Variants in PBX1 observed in about 807,000 individuals in gnomAD.
PBX1 encodes PBX homeobox 1, also known as pre-B-cell leukemia transcription factor 1.
PBX1 carries 6 observed loss-of-function variants against 53.4 expected under a neutral mutation model. That is an observed-to-expected ratio of 0.11 (90% CI 0.06 to 0.22). The LOEUF is 0.22. Among genes scored for constraint, PBX1 ranks in the 10% least tolerant of loss-of-function variants. PBX1 has a pLI of 1.00. For synonymous variants in PBX1, 204 were observed against 212.3 expected (o/e 0.96, Z 0.34); for missense variants, 251 against 551.4 (o/e 0.46, Z 5.46).
At chr1:164,856,226 G>C (rs1671972116), downstream of PBX1, among the ~76,000 whole-genome samples, 1 of 152,118 alleles carries the variant, frequency 6.6e-6, no homozygotes, top group East Asian at 1.9e-4. Flanking sequence ...TGGAGTTCCA[G>C]GCCTTGAATA....
rs761257756 is a variant in PBX1 at position 164,667,432 on chromosome 1, G to GTA, written c.265+104127_265+104128dup. 4.9e-3 allele frequency among the ~76,000 whole-genome samples: 732 copies of GTA among 149,764 alleles called. 3 individuals are homozygous for GTA. Among genetic ancestry groups the GTA allele is most frequent in the Non-Finnish European group, 8.3e-3 (563 of 67,552 alleles). ...ATAATATGTGTGTGTGTGTGTGTGT[G>GTA]TATATATGTATAGCTCTGTCTATAT... is the stretch of plus-strand genomic sequence containing the variant. On this transcript the variant is annotated intron_variant, in intron 2 of 8. Transcript: ENST00000420696.
At chr1:164,883,578 G>T (rs1672710492) in intron 2 of PBX1, among the ~76,000 whole-genome samples, 1 of 151,900 alleles carries the variant, frequency 6.6e-6, no homozygotes, top group African/African-American at 2.4e-5. Flanking sequence ...GAAATTTATT[G>T]ATAGATTTTT....
intron 2 of PBX1, among the ~76,000 whole-genome samples, chr1:164,597,731 G>T (rs1330908697): frequency 6.6e-6 from 1 of 152,026 alleles, no homozygotes; most frequent in East Asian, 1.9e-4. Context: ...GGGTCTCGCA[G>T]CCATGTTGTA....
At chr1:164,660,578 C>T (rs768243173) in intron 2 of PBX1, among the ~76,000 whole-genome samples, 2 of 152,192 alleles carry the variant, frequency 1.3e-5, no homozygotes, top group Non-Finnish European at 2.9e-5. Context: ...GTTGTAGTAA[C>T]ATCAGCAGAG....
intron 8 of PBX1, among the ~76,000 whole-genome samples, chr1:164,831,827 G>C (rs2102390575): frequency 6.6e-6 from 1 of 152,214 alleles, no homozygotes; most frequent in Middle Eastern, 3.4e-3. Context: ...GCAGCCAGGG[G>C]CTCCCTCCCT....
chr1:164,560,036 C>T, intron 1 of PBX1, 23 bp downstream of exon 1: 1 of 1,335,768 alleles, frequency 7.5e-7, no homozygotes, highest in Non-Finnish European at 9.7e-7. Flanking sequence ...CTTTTCTTTT[C>T]CTTTCTTGGG....
intron 2 of PBX1, among the ~76,000 whole-genome samples, chr1:164,790,066 G>A (rs938719775): frequency 6.6e-6 from 1 of 152,008 alleles, no homozygotes; most frequent in African/African-American, 2.4e-5. Flanking sequence ...AGAGGTGAAG[G>A]AGAGGCTGCT....
rs1465382616 is a variant in PBX1, at chr1:164,799,806, C to G, written c.618C>G (p.Arg206=). 2.5e-6 allele frequency: 4 copies of G among 1,614,148 alleles called. No homozygotes were observed. The highest frequency in any genetic ancestry group is 1.6e-4 in the Middle Eastern group (1 of 6,062). ...AGCGGATGGTCAGCATCATCCACCGCAAGTTCAGCTCCATCCAGATGCAGC... is the reference window on the plus strand; with the variant it reads ...AGCGGATGGTCAGCATCATCCACCGGAAGTTCAGCTCCATCCAGATGCAGC... ...EIERMVSIIH[R]KFSSIQMQLK... The change falls in exon 4 of 9, where the codon CGC becomes CGG. Residue 206 remains arginine (R), a synonymous_variant. Transcript: ENST00000420696.
chr1:164,885,889 C>T (rs1484616142), intron 2 of PBX1, among the ~76,000 whole-genome samples: 1 of 152,030 alleles, frequency 6.6e-6, no homozygotes, highest in East Asian at 1.9e-4. Flanking sequence ...CACTCAATAC[C>T]TAACATACTA....
chr1:164,591,945 A>T (rs1655410850), intron 2 of PBX1, among the ~76,000 whole-genome samples: 1 of 152,218 alleles, frequency 6.6e-6, no homozygotes, highest in Admixed American at 6.5e-5. Context: ...ACTGCAGTTC[A>T]TTGCAGTCTA....
At position 164,812,119 on chromosome 1, in the gene PBX1, G is replaced by A; in HGVS notation, c.967G>A (p.Ala323Thr). Residue 323 changes from alanine (A) to threonine (T), a missense_variant, in exon 6 of 9, where the codon GCT (alanine) becomes ACT (threonine). This residue lies in a region of PBX1 where 20 missense variants were observed against 144.8 expected (regional missense o/e 0.14). Transcript: ENST00000420696. ...CAATGTGTCAGCCCATGGAAGCCAA[G>A]CTAACTCGCCCTCAACTCCCAACTC... ...ATNVSAHGSQ[A>T]NSPSTPNSAG... is the part of the protein sequence containing the mutation. 6.2e-7 allele frequency: 1 copy of A among 1,613,422 alleles called. No homozygotes were observed.
In PBX1 at chr1:164,801,625, C is replaced by T. The variant is rs182202360; in HGVS notation, c.701+1736C>T. Among the ~76,000 whole-genome samples the T allele has an allele frequency of 2.0e-5, 3 of 152,276 alleles. No individual in the cohort carries two copies. The East Asian group carries it at 5.8e-4, about 29-fold the overall frequency. On this transcript the variant is annotated intron_variant, in intron 4 of 8. Transcript: ENST00000420696. ...CACAAAGCTAGGAGGGTTTTGTACG[C>T]AAGTTTCTTTCGCTTCCACCAGCCT... is the stretch of plus-strand genomic sequence containing the variant.
intron 2 of PBX1, among the ~76,000 whole-genome samples, chr1:164,636,156 C>CTT (rs142099507): frequency 9.4e-5 from 14 of 148,592 alleles, no homozygotes; most frequent in East Asian, 5.9e-4. Flanking sequence ...CTCTCTCTCT[C>CTT]TTTTTTTTTT....
intron 2 of PBX1, among the ~76,000 whole-genome samples, chr1:164,601,235 C>CA (rs746798555): frequency 0.041 from 1,392 of 33,980 alleles, 251 homozygotes; most frequent in African/African-American, 0.087. Context: ...GATTCTGTCT[C>CA]AAAAAAAAAA....
At position 164,560,126 on chromosome 1, in the gene PBX1, T is replaced by C. The variant is rs184096327; in HGVS notation, c.191+113T>C. On this transcript the variant is annotated intron_variant, in intron 1 of 8. Coordinates refer to ENST00000420696, the MANE Select transcript of PBX1 (RefSeq NM_002585.4). ...AGCGCTTTTTTTGAAAAATGTTATT[T>C]CTTTTCTCATTTTGACAAGCAACTA... is the stretch of plus-strand genomic sequence containing the variant. 1.9e-3 allele frequency: 1,551 copies of C among 812,464 alleles called. 5 individuals carry two copies. Among genetic ancestry groups the C allele is most frequent in the Non-Finnish European group, 2.6e-3 (1,445 of 549,918 alleles). 50.3% of individuals were successfully genotyped at this position (812,464 alleles called of 1,614,324 possible). A position where few individuals can be genotyped will look rare whatever the true frequency, so the allele number is the denominator to read the frequency against.
chr1:164,677,826 C>T (rs1334474178), intron 2 of PBX1, among the ~76,000 whole-genome samples: 4 of 151,914 alleles, frequency 2.6e-5, no homozygotes, highest in Admixed American at 2.0e-4. Flanking sequence ...ATTGGCTTGG[C>T]CGTGATGCAG....
At position 164,846,883 on chromosome 1, in the gene PBX1, G is replaced by A; in HGVS notation, c.*207G>A. 7.2e-7 allele frequency: 1 copy of A among 1,391,236 alleles called. No homozygotes were observed. The highest frequency in any genetic ancestry group is 1.7e-5 in the South Asian group (1 of 57,440). The allele number at this position is 1,391,236 out of a possible 1,614,324, so 86.2% of individuals were successfully genotyped here. On this transcript the variant is annotated 3_prime_UTR_variant, in exon 9 of 9. Coordinates refer to ENST00000420696, the MANE Select transcript of PBX1 (RefSeq NM_002585.4). Reference sequence around the variant, plus strand: ...ATACTCTCTTCCCTTTTTTTTCTGGGTAGAAGCCACCCTTCCCTGCCTCCA... The same window carrying A: ...ATACTCTCTTCCCTTTTTTTTCTGGATAGAAGCCACCCTTCCCTGCCTCCA...
At chr1:164,707,884 A>T (rs1219784526) in intron 2 of PBX1, among the ~76,000 whole-genome samples, 1 of 152,226 alleles carries the variant, frequency 6.6e-6, no homozygotes, top group Admixed American at 6.5e-5. Flanking sequence ...CGATTGCGCT[A>T]TCTTGATTAG....
At chr1:164,578,386 GATTT>G (rs1369218827) in intron 2 of PBX1, among the ~76,000 whole-genome samples, 1 of 152,150 alleles carries the variant, frequency 6.6e-6, no homozygotes, top group Non-Finnish European at 1.5e-5. Context: ...ATCCTGGTTG[GATTT>G]ATTTTTTCAT....
Sources: gnomAD v4.1 joint callset for allele counts (sites outside exome capture counted in the v4.1 genomes callset) on GRCh38, gnomAD v4.1.1 for gene constraint, gnomAD v4.1.1 regional missense constraint, MANE v1.5 for transcripts, NCBI Gene and HGNC (gene_info 2026-07-23, HGNC 2026-07-21) for gene names.